SPECC1: variants seen among roughly 807,000 people sequenced by gnomAD.
SPECC1 encodes the protein cytospin-B.
In SPECC1, 62 loss-of-function variants were observed where a neutral mutation model predicts 104.1. The ratio of observed to expected loss-of-function variants is 0.60; its 90% CI spans 0.49 to 0.74. The LOEUF (loss-of-function observed/expected upper bound fraction) is 0.74, where lower values mean the gene tolerates loss of function less well. Ranked by LOEUF, SPECC1 falls within the 30% of genes least tolerant of loss-of-function variation. The probability of loss-of-function intolerance (pLI) is 0.00; values close to 1 mark genes in which losing one functional copy is unlikely to be tolerated. For missense variants in SPECC1, 1,306 were observed against 1,310.5 expected (o/e 1.00, Z 0.05); for synonymous variants, 513 against 501.6 (o/e 1.02, Z -0.30).
intron 2 of SPECC1, among the ~76,000 whole-genome samples, chr17:20,102,970 G>A (rs1043847491): frequency 1.3e-5 from 2 of 152,136 alleles, no homozygotes; most frequent in Non-Finnish European, 2.9e-5. Context: ...TCTGAAGTGG[G>A]TACCATGATC....
Position 20,260,249 on chromosome 17 carries a change from C to T in SPECC1, c.2895C>T (p.Arg965=). Residue 965 remains arginine, a synonymous_variant, in exon 12 of 15, where the codon CGC becomes CGT. Coordinates refer to ENST00000395527, the MANE Select transcript of SPECC1 (RefSeq NM_001243439.2). ...ALAREYGGSK[R]NALLKWCQKK... ...CCCGGGAATACGGTGGTTCCAAGCG[C>T]AATGCTCTACTGAAATGGTGCCAGA... is the stretch of plus-strand genomic sequence containing the variant. The T allele has an allele frequency of 6.2e-7, 1 of 1,614,084 alleles. No homozygotes were observed. The highest frequency in any genetic ancestry group is 8.5e-7 in the Non-Finnish European group (1 of 1,179,974).
chr17:20,125,836 A>G (rs191602098), intron 3 of SPECC1, among the ~76,000 whole-genome samples: 10 of 152,350 alleles, frequency 6.6e-5, no homozygotes, highest in Admixed American at 3.9e-4. Flanking sequence ...TGAGGATGTT[A>G]TGAACTCTGC....
At chr17:20,017,727 A>G (rs566506696) in intron 1 of SPECC1, 12 of 152,304 alleles carry the variant, frequency 7.9e-5, no homozygotes, top group African/African-American at 2.9e-4. Context: ...ATTATTCTCT[A>G]TCTGGTCTTC....
At chr17:20,277,766 C>T (rs1256647630) in intron 12 of SPECC1, among the ~76,000 whole-genome samples, 3 of 152,178 alleles carry the variant, frequency 2.0e-5, no homozygotes, top group African/African-American at 2.4e-5. Flanking sequence ...GCCTAACCAC[C>T]GTTCCGCTTC....
intron 1 of SPECC1, among the ~76,000 whole-genome samples, chr17:20,069,677 A>G (rs1045599392): frequency 6.6e-6 from 1 of 152,152 alleles, no homozygotes; most frequent in African/African-American, 2.4e-5. Flanking sequence ...TGTCAATTCT[A>G]TTCCATTGGT....
chr17:20,233,998 G>C (rs1420701602), intron 7 of SPECC1, among the ~76,000 whole-genome samples: 2 of 152,144 alleles, frequency 1.3e-5, no homozygotes, highest in Non-Finnish European at 1.5e-5. Context: ...CGTATACTCT[G>C]AGACACAGGC....
chr17:20,217,315 T>C (rs1289233669), intron 4 of SPECC1, among the ~76,000 whole-genome samples: 2 of 151,794 alleles, frequency 1.3e-5, no homozygotes, highest in Non-Finnish European at 2.9e-5. Flanking sequence ...TTCTGGAATA[T>C]ATTGTTAAAC....
intron 12 of SPECC1, among the ~76,000 whole-genome samples, chr17:20,264,908 A>G (rs971900620): frequency 4.6e-5 from 7 of 152,204 alleles, no homozygotes; most frequent in African/African-American, 1.7e-4. Flanking sequence ...TTTGCTTAGA[A>G]TAGTGGCCTC....
intron 3 of SPECC1, among the ~76,000 whole-genome samples, chr17:20,116,803 C>CTTTTTTTTTTTTTTTTT (rs58127201): frequency 2.0e-5 from 1 of 50,424 alleles, no homozygotes; most frequent in Admixed American, 3.0e-4. Context: ...TGTCTGGAGA[C>CTTTTTTTTTTTTTTTTT]TTTTTTTTTT....
intron 3 of SPECC1, among the ~76,000 whole-genome samples, chr17:20,203,451 A>G (rs2036564565): frequency 3.3e-5 from 5 of 152,222 alleles, no homozygotes; most frequent in Admixed American, 3.3e-4. Flanking sequence ...TACACCTTAC[A>G]TTTGCTGTTA....
intron 3 of SPECC1, among the ~76,000 whole-genome samples, chr17:20,118,166 C>A (rs562043530): frequency 6.6e-6 from 1 of 151,744 alleles, no homozygotes; most frequent in African/African-American, 2.4e-5. Context: ...ATATAATTTC[C>A]GCTAATACAT....
chr17:20,065,746 ATTCC>A (rs1412063143), intron 1 of SPECC1, among the ~76,000 whole-genome samples: 5 of 152,214 alleles, frequency 3.3e-5, no homozygotes, highest in Non-Finnish European at 5.9e-5. Flanking sequence ...TCTGTGTAAC[ATTCC>A]TTCCTTTAGG....
At chr17:20,289,323 A>G (rs1375054547) in intron 12 of SPECC1, among the ~76,000 whole-genome samples, 3 of 152,120 alleles carry the variant, frequency 2.0e-5, no homozygotes, top group Non-Finnish European at 2.9e-5. Flanking sequence ...ACCATATCAG[A>G]TGGAGTCTTG....
At chr17:20,302,954 A>G (rs1266790420) in intron 13 of SPECC1, among the ~76,000 whole-genome samples, 1 of 150,868 alleles carries the variant, frequency 6.6e-6, no homozygotes, top group Non-Finnish European at 1.5e-5. Context: ...AGGTTTTTGC[A>G]TAAAACGTTG....
intron 7 of SPECC1, chr17:20,236,861 T>C (rs769027232): frequency 6.8e-6 from 11 of 1,613,702 alleles, no homozygotes; most frequent in South Asian, 1.1e-5. Context: ...TTTTCACAGC[T>C]CCCTGGGCTC....
At chr17:20,218,663 A>C (rs909470062) in intron 4 of SPECC1, among the ~76,000 whole-genome samples, 1 of 151,668 alleles carries the variant, frequency 6.6e-6, no homozygotes, top group Non-Finnish European at 1.5e-5. Flanking sequence ...TTATGGGTAC[A>C]TAGTAGGTAT....
chr17:20,266,373 G>A (rs2040218235), intron 12 of SPECC1, among the ~76,000 whole-genome samples: 1 of 151,846 alleles, frequency 6.6e-6, no homozygotes, highest in Admixed American at 6.6e-5. Flanking sequence ...CACAAGGTCG[G>A]GAGATCGACA....
At chr17:20,155,712 T>TTTCCGGCGGCACTAGGC (rs1168912217) in intron 3 of SPECC1, 2 of 176,254 alleles carry the variant, frequency 1.1e-5, no homozygotes, top group African/African-American at 4.8e-5. Context: ...GGATTTTGCC[T>TTTCCGGCGGCACTAGGC]TTCCGGCGGC....
chr17:20,260,370 G>A (rs2039983585), intron 12 of SPECC1, 76 bp downstream of exon 12: 1 of 1,286,454 alleles, frequency 7.8e-7, no homozygotes, highest in Non-Finnish European at 1.1e-6. Context: ...TTCCTTGTGT[G>A]CCTGTGCTTG....
Sources: gnomAD v4.1 joint callset for allele counts (sites outside exome capture counted in the v4.1 genomes callset) on GRCh38, gnomAD v4.1.1 for gene constraint, MANE v1.5 for transcripts, NCBI Gene and HGNC (gene_info 2026-07-23, HGNC 2026-07-21) for gene names.